Variants in DYNC2I1 observed in about 807,000 individuals in gnomAD.
DYNC2I1 encodes dynein 2 intermediate chain 1, also known as cytoplasmic dynein 2 intermediate chain 1.
In DYNC2I1, 89 loss-of-function variants were observed where a neutral mutation model predicts 133.4. The observed-to-expected ratio is 0.67, with a 90% CI of 0.56 to 0.80. The LOEUF (loss-of-function observed/expected upper bound fraction) is 0.80, where lower values mean the gene tolerates loss of function less well. DYNC2I1 is among the 30% of genes least tolerant of loss of function. The pLI is 0.00. For synonymous variants in DYNC2I1, 504 were observed against 484.3 expected (o/e 1.04, Z -0.54); for missense variants, 1,291 against 1,314.5 (o/e 0.98, Z 0.28).
intron 2 of DYNC2I1, 72 bp downstream of exon 2, chr7:158,869,980 G>C (rs1842734533): frequency 7.5e-7 from 1 of 1,334,132 alleles, no homozygotes; most frequent in Non-Finnish European, 1.1e-6. Flanking sequence ...GCTTTACCTG[G>C]TACACAACAC....
upstream of DYNC2I1, among the ~76,000 whole-genome samples, chr7:158,855,322 G>A (rs993500674): frequency 6.6e-6 from 1 of 152,150 alleles, no homozygotes; most frequent in African/African-American, 2.4e-5. Context: ...ATCAGTTCCT[G>A]GGTGAGGGGC....
the DYNC2I1 span, among the ~76,000 whole-genome samples, chr7:158,846,627 G>A: frequency 2.0e-5 from 3 of 152,170 alleles, no homozygotes; most frequent in African/African-American, 4.8e-5. Context: ...GAATTGGTTA[G>A]AACAAGATTT....
the DYNC2I1 span, among the ~76,000 whole-genome samples, chr7:158,845,499 A>G: frequency 6.6e-6 from 1 of 152,208 alleles, no homozygotes; most frequent in Non-Finnish European, 1.5e-5. Flanking sequence ...AATTTGCCGT[A>G]AGGGTTATAA....
At chr7:158,942,787 G>A (rs2129489336) in intron 24 of DYNC2I1, among the ~76,000 whole-genome samples, 1 of 152,340 alleles carries the variant, frequency 6.6e-6, no homozygotes, top group Admixed American at 6.5e-5. Context: ...GGCCCCTCGA[G>A]GGGCTCCCAG....
chr7:158,884,108 A>G (rs953316473), intron 5 of DYNC2I1, among the ~76,000 whole-genome samples: 4 of 146,036 alleles, frequency 2.7e-5, no homozygotes, highest in African/African-American at 1.0e-4. Flanking sequence ...GCAGTGGCGC[A>G]ATCTCTGCTC....
chr7:158,941,586 A>G (rs1295598714), intron 23 of DYNC2I1, among the ~76,000 whole-genome samples: 1 of 152,194 alleles, frequency 6.6e-6, no homozygotes, highest in Non-Finnish European at 1.5e-5. Flanking sequence ...AAGTTACGAA[A>G]AAAACAAAAA....
intron 11 of DYNC2I1, among the ~76,000 whole-genome samples, chr7:158,911,085 G>T (rs747921370): frequency 1.3e-5 from 2 of 152,222 alleles, no homozygotes; most frequent in Non-Finnish European, 2.9e-5. Context: ...GTCAAGTCCT[G>T]GGGGAAGCAC....
chr7:158,956,377 C>A (rs1315902233), intron 4 of DYNC2I1, among the ~76,000 whole-genome samples: 1 of 152,206 alleles, frequency 6.6e-6, no homozygotes, highest in African/African-American at 2.4e-5. Flanking sequence ...GGAGGGGCCA[C>A]CTCTGGAAGG....
intron 3 of DYNC2I1, among the ~76,000 whole-genome samples, chr7:158,874,460 G>A (rs926513015): frequency 2.6e-5 from 4 of 152,106 alleles, no homozygotes; most frequent in Non-Finnish European, 5.9e-5. Context: ...GTATTTATTT[G>A]CAATCAAATC....
intron 14 of DYNC2I1, among the ~76,000 whole-genome samples, chr7:158,915,347 C>G (rs867782908): frequency 2.8e-4 from 25 of 89,850 alleles, no homozygotes; most frequent in Non-Finnish European, 1.9e-4. Flanking sequence ...TGTGAAACGT[C>G]GACACGCTGG....
rs899172501 is a variant in DYNC2I1, at chr7:158,884,583, G to A, written c.899G>A (p.Arg300Gln). ...RESQNGEHRN[R>Q]GASSKRDGTS... ...TGATAGAATGGTGAACACAGAAATC[G>A]AGGTGCAAGCTCAAAAAGAGATGGG... Residue 300 changes from arginine to glutamine, a missense_variant, in exon 6 of 25, where the codon CGA becomes CAA. Transcript: ENST00000407559. 8 of 1,613,074 alleles carry A rather than the reference G, an allele frequency of 5.0e-6. No homozygotes were observed. The African/African-American group carries it at 5.3e-5, about 11-fold the overall frequency.
chr7:158,940,310 T>C (rs183953432), intron 23 of DYNC2I1, among the ~76,000 whole-genome samples: 118 of 152,182 alleles, frequency 7.8e-4, no homozygotes, highest in African/African-American at 2.8e-3. Flanking sequence ...CAGTTCACAA[T>C]AGGGTTCATG....
chr7:158,941,878 A>T, intron 23 of DYNC2I1, 47 bp from the exon 24 acceptor site: 3 of 1,548,798 alleles, frequency 1.9e-6, no homozygotes, highest in Non-Finnish European at 2.6e-6. Flanking sequence ...CCCTGTCTCA[A>T]AAAGAAAAAG....
At chr7:158,932,242 A>T (rs1284354981) in intron 21 of DYNC2I1, among the ~76,000 whole-genome samples, 1 of 152,066 alleles carries the variant, frequency 6.6e-6, no homozygotes, top group Non-Finnish European at 1.5e-5. Flanking sequence ...TGCTGTCAGG[A>T]TGTGCACAAG....
Position 158,911,672 on chromosome 7 carries a change from C to A in DYNC2I1, c.1583C>A (p.Thr528Asn). ...MYIRNFGKKN[T>N]KQAYVQCNED... is the part of the protein sequence containing the mutation. The stretch of plus-strand genomic sequence containing the variant: ...ATCAGAAACTTTGGGAAAAAAAATA[C>A]CAAGCAGGTAAGTATGAGATGTGTT... Residue 528 changes from threonine (T) to asparagine (N), a missense_variant, in exon 12 of 25, where the codon ACC (threonine) becomes AAC (asparagine). Physicochemically the swap from Thr to Asn is moderately conservative, Grantham distance 65. Transcript: ENST00000407559. 1 of 1,609,664 alleles carries A rather than the reference C, an allele frequency of 6.2e-7. No homozygotes were observed. The highest frequency in any genetic ancestry group is 8.5e-7 in the Non-Finnish European group (1 of 1,178,644).
intron 16 of DYNC2I1, 37 bp downstream of exon 16, chr7:158,922,586 G>C (rs766627429): frequency 5.0e-6 from 8 of 1,596,424 alleles, no homozygotes; most frequent in Non-Finnish European, 6.8e-6. Flanking sequence ...TTTGATGGGA[G>C]GATGGGCAGT....
intron 8 of DYNC2I1, among the ~76,000 whole-genome samples, chr7:158,895,695 G>C (rs1179730578): frequency 6.6e-6 from 1 of 152,172 alleles, no homozygotes; most frequent in Non-Finnish European, 1.5e-5. Context: ...TATTGCGATT[G>C]CATGGAATCT....
At position 158,887,093 on chromosome 7, in the gene DYNC2I1, G is replaced by A. The variant is rs377655948; in HGVS notation, c.990+18G>A. ...GACGGAAGGTAAGGCAGTCTCCACT[G>A]AGAATACATTGATTTTATGGTACAT... is the stretch of plus-strand genomic sequence containing the variant. On this transcript the variant is annotated intron_variant, in intron 7 of 24. Coordinates refer to ENST00000407559, the MANE Select transcript of DYNC2I1 (RefSeq NM_018051.5). The A allele has an allele frequency of 5.0e-6, 8 of 1,609,874 alleles. No homozygotes were observed. In the East Asian group the frequency reaches 8.9e-5, roughly 18 times the overall value.
intron 10 of DYNC2I1, chr7:158,905,265 C>G (rs1260312967): frequency 5.8e-6 from 2 of 346,876 alleles, no homozygotes; most frequent in Non-Finnish European, 1.1e-5. Context: ...TTCAGCCTCC[C>G]GAGTAGCTGG....
Sources: allele counts gnomAD v4.1 joint callset (sites outside exome capture counted in the v4.1 genomes callset), GRCh38; gene constraint gnomAD v4.1.1; transcripts MANE v1.5; gene names NCBI Gene and HGNC (gene_info 2026-07-23, HGNC 2026-07-21).